Variants in CERKL observed in about 807,000 individuals in gnomAD.
CERKL encodes the protein CERK like autophagy regulator, also known as ceramide kinase-like protein.
A neutral mutation model predicts 63.4 loss-of-function variants in CERKL; 61 were observed. The ratio of observed to expected loss-of-function variants is 0.96; its 90% CI spans 0.78 to 1.19. The LOEUF (loss-of-function observed/expected upper bound fraction) is 1.19, where lower values mean the gene tolerates loss of function less well. Ranked by LOEUF, CERKL falls within the 50% of genes most tolerant of loss-of-function variation. The pLI is 0.00. For synonymous variants in CERKL, 250 were observed against 230.5 expected, an observed-to-expected ratio of 1.08 and a Z score of -0.77; for missense variants, 675 against 655.5, an observed-to-expected ratio of 1.03 and a Z score of -0.33.
intron 1 of CERKL, among the ~76,000 whole-genome samples, chr2:181,609,409 G>C (rs957373199): frequency 3.3e-5 from 5 of 150,938 alleles, no homozygotes; most frequent in African/African-American, 1.2e-4. Flanking sequence ...TAAAAGCAAT[G>C]AGGGGGCCAG....
chr2:181,600,113 T>C (rs1685395653), intron 2 of CERKL, among the ~76,000 whole-genome samples: 1 of 152,132 alleles, frequency 6.6e-6, no homozygotes, highest in South Asian at 2.1e-4. Context: ...TTAAGCTTCA[T>C]AAATGAAGGA....
chr2:181,626,773 T>C (rs553583823), intron 1 of CERKL, among the ~76,000 whole-genome samples: 1 of 152,328 alleles, frequency 6.6e-6, no homozygotes, highest in Admixed American at 6.5e-5. Context: ...GATGCAGGGA[T>C]GAGTCACTGG....
At chr2:181,607,787 G>C (rs886635625) in intron 1 of CERKL, among the ~76,000 whole-genome samples, 4 of 152,154 alleles carry the variant, frequency 2.6e-5, no homozygotes, top group Non-Finnish European at 4.4e-5. Flanking sequence ...CCCTATGATG[G>C]ACTACATGGG....
intron 1 of CERKL, among the ~76,000 whole-genome samples, chr2:181,647,626 T>TCC (rs1687727913): frequency 6.6e-6 from 1 of 152,034 alleles, no homozygotes; most frequent in South Asian, 2.1e-4. Flanking sequence ...GAAAAGTCTC[T>TCC]CCCTGTGAAA....
At chr2:181,640,200 G>T (rs1325410533) in intron 1 of CERKL, among the ~76,000 whole-genome samples, 1 of 152,120 alleles carries the variant, frequency 6.6e-6, no homozygotes, top group Non-Finnish European at 1.5e-5. Context: ...TTTGCAAATG[G>T]TTTAATGTCC....
intron 1 of CERKL, among the ~76,000 whole-genome samples, chr2:181,655,004 A>C (rs1220960437): frequency 6.6e-6 from 1 of 152,188 alleles, no homozygotes; most frequent in African/African-American, 2.4e-5. Context: ...GTACTTACTA[A>C]GGCTCTAGGC....
intron 2 of CERKL, among the ~76,000 whole-genome samples, chr2:181,599,355 G>A (rs191195872): frequency 4.5e-4 from 68 of 152,052 alleles, no homozygotes; most frequent in African/African-American, 1.4e-3. Flanking sequence ...AGCCAACATG[G>A]CAAAACCTTG....
In CERKL at chr2:181,603,935, T is replaced by A; in HGVS notation, c.383A>T (p.Lys128Met). ...AGAATTCTTTAGTTTATTTTGTTCC[T>A]TTTTCAAGCAGATGAAGAGTGTGAT... Reference protein sequence around the residue: ...LGITLFICLKKEQNKLKNSTL... With the variant: ...LGITLFICLKMEQNKLKNSTL... The change falls in exon 2 of 13, where the codon AAG (lysine) becomes ATG (methionine). Residue 128 changes from lysine (K) to methionine (M), a missense_variant. Physicochemically the swap from Lys to Met is moderately conservative, Grantham distance 95. Coordinates refer to ENST00000410087, the MANE Select transcript of CERKL (RefSeq NM_201548.5). 6.2e-7 allele frequency: 1 copy of A among 1,612,810 alleles called. No homozygotes were observed. The highest frequency in any genetic ancestry group is 1.3e-5 in the African/African-American group (1 of 75,006).
At chr2:181,591,769 A>G (rs1233371710) in intron 2 of CERKL, among the ~76,000 whole-genome samples, 1 of 152,156 alleles carries the variant, frequency 6.6e-6, no homozygotes, top group Non-Finnish European at 1.5e-5. Context: ...TAAACTTATG[A>G]TTTCTAATAA....
chr2:181,548,912 CA>C lies in CERKL; in HGVS notation c.896-56del. ...GAGTACAGTAGGACTTGTATCAAAA[CA>C]GCAAACATAAGAGAGCATATTTATT... On this transcript the variant is annotated intron_variant, in intron 6 of 12. Transcript: ENST00000410087. 2.7e-6 allele frequency: 4 copies of C among 1,503,456 alleles called. No homozygotes were observed. The South Asian group carries it at 3.4e-5, about 13-fold the overall frequency. The allele number at this position is 1,503,456 out of a possible 1,614,324, so 93.1% of individuals were successfully genotyped here. A position where few individuals can be genotyped will look rare whatever the true frequency, so the allele number is the denominator to read the frequency against.
At chr2:181,633,344 G>A (rs1687046924) in intron 1 of CERKL, among the ~76,000 whole-genome samples, 1 of 152,224 alleles carries the variant, frequency 6.6e-6, no homozygotes, top group African/African-American at 2.4e-5. Flanking sequence ...CTTCGAGGCT[G>A]AGGGAGGACA....
At chr2:181,645,141 G>C (rs975579496) in intron 1 of CERKL, among the ~76,000 whole-genome samples, 7 of 152,158 alleles carry the variant, frequency 4.6e-5, no homozygotes, top group African/African-American at 1.7e-4. Flanking sequence ...ATACTTTTAT[G>C]TGTTATATAC....
intron 12 of CERKL, 37 bp downstream of exon 12, chr2:181,539,055 A>T: frequency 8.2e-7 from 1 of 1,212,452 alleles, no homozygotes; most frequent in Non-Finnish European, 1.1e-6. Flanking sequence ...ATTTATGTTT[A>T]CTGGTTGACA....
chr2:181,649,157 TA>T (rs1687794031), intron 1 of CERKL, among the ~76,000 whole-genome samples: 1 of 152,152 alleles, frequency 6.6e-6, no homozygotes, highest in African/African-American at 2.4e-5. Flanking sequence ...ACATGCTGCC[TA>T]AAAGAGGCTT....
At chr2:181,567,412 TAA>T (rs1356580270) in intron 3 of CERKL, among the ~76,000 whole-genome samples, 2 of 152,124 alleles carry the variant, frequency 1.3e-5, no homozygotes, top group Non-Finnish European at 2.9e-5. Context: ...CTTACATTGG[TAA>T]AGTTTTTCAG....
intron 1 of CERKL, among the ~76,000 whole-genome samples, chr2:181,638,958 C>T (rs1012542251): frequency 6.6e-6 from 1 of 151,784 alleles, no homozygotes; most frequent in Non-Finnish European, 1.5e-5. Flanking sequence ...ATAGGCCAAA[C>T]TAGTTTGTTC....
chr2:181,615,348 CA>C (rs1406774081), intron 1 of CERKL, among the ~76,000 whole-genome samples: 25 of 152,150 alleles, frequency 1.6e-4, no homozygotes, highest in Non-Finnish European at 3.7e-4. Flanking sequence ...AAAGGTTTAA[CA>C]AAAATAGAAC....
At chr2:181,617,185 T>A (rs1430020436) in intron 1 of CERKL, 3 of 152,210 alleles carry the variant, frequency 2.0e-5, no homozygotes, top group South Asian at 4.1e-4. Context: ...CACTTATTTT[T>A]AAAAAAATCT....
At chr2:181,588,510 C>G (rs918195758) in intron 2 of CERKL, among the ~76,000 whole-genome samples, 1 of 152,244 alleles carries the variant, frequency 6.6e-6, no homozygotes, top group Middle Eastern at 3.4e-3. Context: ...GATAGATACT[C>G]AGATTGATCC....
Sources: gnomAD v4.1 joint callset for allele counts (sites outside exome capture counted in the v4.1 genomes callset) on GRCh38, gnomAD v4.1.1 for gene constraint, MANE v1.5 for transcripts, NCBI Gene and HGNC (gene_info 2026-07-23, HGNC 2026-07-21) for gene names.